Variants in RAB11FIP5 observed in about 807,000 individuals in gnomAD.
RAB11FIP5 encodes the protein rab11 family-interacting protein 5.
RAB11FIP5 carries 48 observed loss-of-function variants against 85.1 expected under a neutral mutation model. The observed-to-expected ratio is 0.56, with a 90% CI of 0.45 to 0.72. The LOEUF is 0.72. RAB11FIP5 is among the 30% of genes least tolerant of loss of function. The probability of loss-of-function intolerance (pLI) is 0.00; values close to 1 mark genes in which losing one functional copy is unlikely to be tolerated. For missense variants in RAB11FIP5, 1,491 were observed against 1,687.0 expected, an observed-to-expected ratio of 0.88 and a Z score of 2.04; for synonymous variants, 729 against 727.3, an observed-to-expected ratio of 1.00 and a Z score of -0.04.
At chr2:73,108,905 G>A (rs1219495532) in intron 1 of RAB11FIP5, among the ~76,000 whole-genome samples, 1 of 152,202 alleles carries the variant, frequency 6.6e-6, no homozygotes, top group Non-Finnish European at 1.5e-5. Context: ...TTAGCTGGGT[G>A]TGGTGGCACA....
Position 73,086,383 on chromosome 2 carries a change from T to C in RAB11FIP5, c.1568+1667A>G, listed in dbSNP as rs186615216. 3.5e-4 allele frequency among the ~76,000 whole-genome samples: 54 copies of C among 152,224 alleles called. No individual in the cohort carries two copies. The highest frequency in any genetic ancestry group is 2.8e-3 in the Admixed American group (43 of 15,296). ...GATTCCAAGAGGCCATTAGGAGATA[T>C]GGGGAAGCAGGAGAAAGAGGATGGA... On this transcript the variant is annotated intron_variant, in intron 3 of 5. Coordinates refer to ENST00000486777, the MANE Select transcript of RAB11FIP5 (RefSeq NM_001371272.1). The surrounding 1 kb of genome is among the most constrained non-coding windows in gnomAD (Gnocchi z 4.4).
intron 4 of RAB11FIP5, among the ~76,000 whole-genome samples, chr2:73,076,813 C>T (rs1222055555): frequency 2.0e-5 from 3 of 152,204 alleles, no homozygotes; most frequent in Non-Finnish European, 4.4e-5. Context: ...ATGGAGACTA[C>T]ATTTGTATAA....
At chr2:73,102,211 A>G in intron 1 of RAB11FIP5, among the ~76,000 whole-genome samples, 1 of 152,130 alleles carries the variant, frequency 6.6e-6, no homozygotes, top group Non-Finnish European at 1.5e-5. Flanking sequence ...CTAATGTCAC[A>G]CTAAGGAGCC....
chr2:73,106,240 A>G lies in RAB11FIP5; in HGVS notation c.431+6107T>C, dbSNP rs545659829. Among the ~76,000 whole-genome samples, 7 of 152,322 alleles carry G rather than the reference A, an allele frequency of 4.6e-5. No individual in the cohort carries two copies. In the South Asian group the frequency reaches 1.5e-3, roughly 32 times the overall value. ...TGCACTAGACCAACGAGGCAATGAA[A>G]ATAATGCACCAAAACAGGTGCCACA... On this transcript the variant is annotated intron_variant, in intron 1 of 5. Coordinates refer to ENST00000486777, the MANE Select transcript of RAB11FIP5 (RefSeq NM_001371272.1).
In RAB11FIP5 at chr2:73,073,523, A is replaced by T. The variant is rs1031174892; in HGVS notation, c.*1998T>A. On this transcript the variant is annotated 3_prime_UTR_variant, in exon 6 of 6. Coordinates refer to ENST00000486777, the MANE Select transcript of RAB11FIP5 (RefSeq NM_001371272.1). Reference sequence around the variant, plus strand: ...CCCAACCCACCTGCAACTTTCCTCCAAGTGTGGCTAGGAGAAGAAACATCA... The same window carrying T: ...CCCAACCCACCTGCAACTTTCCTCCTAGTGTGGCTAGGAGAAGAAACATCA... 6.6e-6 allele frequency: 1 copy of T among 152,580 alleles called. No homozygotes were observed. Among genetic ancestry groups the T allele is most frequent in the Non-Finnish European group, 1.5e-5 (1 of 68,064 alleles). The allele number at this position is 152,580 out of a possible 1,614,324, so 9.5% of individuals were successfully genotyped here.
chr2:73,087,124 C>G (rs1030173561), intron 3 of RAB11FIP5, among the ~76,000 whole-genome samples: 4 of 152,200 alleles, frequency 2.6e-5, no homozygotes, highest in African/African-American at 9.6e-5. Flanking sequence ...GAAGGGCAGG[C>G]TTGTTGAGAG....
intron 1 of RAB11FIP5, among the ~76,000 whole-genome samples, chr2:73,103,520 A>T (rs1684468395): frequency 6.6e-6 from 1 of 152,116 alleles, no homozygotes; most frequent in South Asian, 2.1e-4. Context: ...GTAGGGAGAA[A>T]AGCATCAGGC....
chr2:73,080,717 T>G lies in RAB11FIP5; in HGVS notation c.2515A>C (p.Thr839Pro), dbSNP rs1574293726. The G allele has an allele frequency of 1.6e-6, 2 of 1,232,578 alleles. No homozygotes were observed. Among genetic ancestry groups the G allele is most frequent in the East Asian group, 6.3e-5 (2 of 31,702 alleles). The allele number at this position is 1,232,578 out of a possible 1,614,324, so 76.4% of individuals were successfully genotyped here. A position where few individuals can be genotyped will look rare whatever the true frequency, so the allele number is the denominator to read the frequency against. The change falls in exon 4 of 6, where the codon ACC becomes CCC. Residue 839 changes from threonine to proline, a missense_variant. Thr to Pro is a conservative substitution (Grantham distance 38, BLOSUM62 -1). Around this residue, in one of 3 missense-constraint regions of RAB11FIP5, gnomAD observed 1,211 missense variants for 1,338.0 expected, o/e 0.91. Coordinates refer to ENST00000486777, the MANE Select transcript of RAB11FIP5 (RefSeq NM_001371272.1). Reference sequence around the variant, plus strand: ...GCTGTCTCAGCTGCAGGAGAAATGGTGACCACATCCCAAGGCCAGGCATCA... The same window carrying G: ...GCTGTCTCAGCTGCAGGAGAAATGGGGACCACATCCCAAGGCCAGGCATCA... ...ADDAWPWDVVTISPAAETASL... is the reference protein window; with the variant it reads ...ADDAWPWDVVPISPAAETASL...
At position 73,075,954 on chromosome 2, in the gene RAB11FIP5, C is replaced by T. The variant is rs916545438; in HGVS notation, c.3771+39G>A. The stretch of plus-strand genomic sequence containing the variant: ...GACCAAGCCCTGAGACTCCACCACA[C>T]ATTCTGTCAGATGGCCCCCACACCC... On this transcript the variant is annotated intron_variant, in intron 5 of 5. Transcript: ENST00000486777. The surrounding 1 kb of genome is among the most constrained non-coding windows in gnomAD (Gnocchi z 4.6). 5.7e-6 allele frequency: 9 copies of T among 1,586,486 alleles called. No homozygotes were observed. The highest frequency in any genetic ancestry group is 7.7e-6 in the Non-Finnish European group (9 of 1,162,576).
intron 1 of RAB11FIP5, among the ~76,000 whole-genome samples, chr2:73,096,070 C>A (rs1281661773): frequency 6.6e-6 from 1 of 152,226 alleles, no homozygotes; most frequent in Admixed American, 6.5e-5. Flanking sequence ...CTCTCCCAAG[C>A]TCTCTCTGCC....
At position 73,075,738 on chromosome 2, in the gene RAB11FIP5, G is replaced by A. The variant is rs200972119; in HGVS notation, c.3772-14C>T. 86 of 1,581,558 alleles carry A rather than the reference G, an allele frequency of 5.4e-5. No individual in the cohort carries two copies. In the East Asian group the frequency reaches 1.8e-3, roughly 33 times the overall value. On this transcript the variant is annotated splice_polypyrimidine_tract_variant and intron_variant, in intron 5 of 5. Transcript: ENST00000486777. The surrounding 1 kb of genome is among the most constrained non-coding windows in gnomAD (Gnocchi z 4.6). Reference sequence around the variant, plus strand: ...CACAGCTGAGTCCTGAGGCCGGACCGAAGACAGTGAGCAGGGCAGCCCTAG... The same window carrying A: ...CACAGCTGAGTCCTGAGGCCGGACCAAAGACAGTGAGCAGGGCAGCCCTAG...
Position 73,088,480 on chromosome 2 carries a change from G to T in RAB11FIP5, c.1138C>A (p.Pro380Thr). The T allele has an allele frequency of 6.2e-7, 1 of 1,613,990 alleles. No homozygotes were observed. Among genetic ancestry groups the T allele is most frequent in the Non-Finnish European group, 8.5e-7 (1 of 1,180,050 alleles). ...GGCCAGGTGTCATCTGTGGAACGAG[G>T]CCCCTCCTCGGAGAACCGGGAAGAG... ...AVSSRFSEEG[P>T]RSTDDTWPRG... Residue 380 changes from proline to threonine, a missense_variant, in exon 3 of 6, where the codon CCT (proline) becomes ACT (threonine). Physicochemically the swap from Pro to Thr is conservative, Grantham distance 38 (BLOSUM62 -1). Coordinates refer to ENST00000486777, the MANE Select transcript of RAB11FIP5 (RefSeq NM_001371272.1).
intron 1 of RAB11FIP5, among the ~76,000 whole-genome samples, chr2:73,100,183 G>C (rs1326441651): frequency 6.6e-6 from 1 of 152,112 alleles, no homozygotes; most frequent in Non-Finnish European, 1.5e-5. Flanking sequence ...AGACAGGCAT[G>C]CTACTCAAAA....
Position 73,112,925 on chromosome 2 carries a change from G to A in RAB11FIP5, c.-148C>T, listed in dbSNP as rs1487857814. 3.2e-5 allele frequency: 19 copies of A among 596,406 alleles called. No individual in the cohort carries two copies. The highest frequency in any genetic ancestry group is 4.6e-5 in the East Asian group (1 of 21,794). 36.9% of individuals were successfully genotyped at this position (596,406 alleles called of 1,614,324 possible). On this transcript the variant is annotated 5_prime_UTR_variant, in exon 1 of 6. Transcript: ENST00000486777. The stretch of plus-strand genomic sequence containing the variant: ...GGCTGGGCCGGGCCGACCGGCCGCC[G>A]CCTCCCCGCCTCACCGGGCCGCTGG...
Position 73,089,739 on chromosome 2 carries a change from A to C in RAB11FIP5, c.432-424T>G. ...CCCCAGCACAGACAGACCTACCCACATTTCTCCCTGTTGACATCATCTCCT... is the reference window on the plus strand; with the variant it reads ...CCCCAGCACAGACAGACCTACCCACCTTTCTCCCTGTTGACATCATCTCCT... On this transcript the variant is annotated intron_variant, in intron 1 of 5. Coordinates refer to ENST00000486777, the MANE Select transcript of RAB11FIP5 (RefSeq NM_001371272.1). The surrounding 1 kb of genome is among the most constrained non-coding windows in gnomAD (Gnocchi z 4.6). The C allele has an allele frequency of 3.4e-6, 1 of 297,690 alleles. No homozygotes were observed. The allele number at this position is 297,690 out of a possible 1,614,324, so 18.4% of individuals were successfully genotyped here.
intron 1 of RAB11FIP5, among the ~76,000 whole-genome samples, chr2:73,108,461 A>G (rs1684572921): frequency 6.6e-6 from 1 of 152,162 alleles, no homozygotes; most frequent in Admixed American, 6.5e-5. Context: ...ACACACAAAG[A>G]CCAGCATTCC....
chr2:73,081,014 G>A lies in RAB11FIP5; in HGVS notation c.2218C>T (p.Pro740Ser), dbSNP rs1683966153. 1.6e-6 allele frequency: 2 copies of A among 1,232,422 alleles called. No individual in the cohort carries two copies. Among genetic ancestry groups the A allele is most frequent in the Non-Finnish European group, 2.0e-6 (2 of 988,186 alleles). 76.3% of individuals were successfully genotyped at this position (1,232,422 alleles called of 1,614,324 possible). A position where few individuals can be genotyped will look rare whatever the true frequency, so the allele number is the denominator to read the frequency against. The change falls in exon 4 of 6, where the codon CCA becomes TCA. Residue 740 changes from proline to serine, a missense_variant. By Grantham distance (74) the Pro-to-Ser change is moderately conservative (BLOSUM62 -1). Coordinates refer to ENST00000486777, the MANE Select transcript of RAB11FIP5 (RefSeq NM_001371272.1). This position sits in a 1 kb window ranked among gnomAD's most constrained non-coding sequence, Gnocchi z 4.2. The part of the protein sequence containing the change: ...PNHQSASAAD[P>S]GLLGSVGAGL... ...GCCCCTACCGACCCGAGGAGCCCTG[G>A]GTCAGCCGCGCTCGCGCTCTGGTGG...
chr2:73,106,231 G>A (rs575189537), intron 1 of RAB11FIP5, among the ~76,000 whole-genome samples: 67 of 152,280 alleles, frequency 4.4e-4, no homozygotes, highest in Middle Eastern at 3.4e-3. Context: ...AGACCAACGA[G>A]GCAATGAAAA....
intron 1 of RAB11FIP5, among the ~76,000 whole-genome samples, chr2:73,108,115 C>T (rs937832894): frequency 1.3e-5 from 2 of 152,256 alleles, no homozygotes; most frequent in Non-Finnish European, 1.5e-5. Flanking sequence ...CTCAGACCTA[C>T]ATCTTTCACA....
Sources: allele counts gnomAD v4.1 joint callset (sites outside exome capture counted in the v4.1 genomes callset), GRCh38; gene constraint gnomAD v4.1.1; regional missense constraint gnomAD v4.1.1; non-coding constraint Gnocchi (gnomAD v3.1); transcripts MANE v1.5; gene names NCBI Gene and HGNC (gene_info 2026-07-23, HGNC 2026-07-21).